The following MRPS6 variants were observed in gnomAD, a reference collection of about 807,000 sequenced individuals.
MRPS6 encodes small ribosomal subunit protein bS6m.
In MRPS6, 6 loss-of-function variants were observed where a neutral mutation model predicts 13.1. That is an observed-to-expected ratio of 0.46 (90% confidence interval 0.25 to 0.91). MRPS6 has a LOEUF of 0.91. MRPS6 is among the 40% of genes least tolerant of loss of function. The probability of loss-of-function intolerance (pLI) is 0.18; values close to 1 mark genes in which losing one functional copy is unlikely to be tolerated. For missense variants in MRPS6, 164 were observed against 155.6 expected (o/e 1.05, Z -0.29); for synonymous variants, 61 against 56.5 (o/e 1.08, Z -0.36).
At chr21:34,085,296 T>C (rs931945554) in intron 1 of MRPS6, among the ~76,000 whole-genome samples, 1 of 152,178 alleles carries the variant, frequency 6.6e-6, no homozygotes, top group Non-Finnish European at 1.5e-5. Flanking sequence ...GATTAGCCAT[T>C]GTTGACAGGA....
intron 1 of MRPS6, chr21:34,123,787 C>T (rs1365105325): frequency 6.6e-6 from 1 of 152,112 alleles, no homozygotes; most frequent in Non-Finnish European, 1.5e-5. Context: ...GTTCTCATAC[C>T]TCTACCATGG....
chr21:34,100,677 T>G lies in MRPS6; in HGVS notation c.46-24664T>G, dbSNP rs1335791815. ...ATTTTAAGAACTGAGTTGAGGGGGTTGTTATGCACTTCTGTAACTTGAGGC... is the reference window on the plus strand; with the variant it reads ...ATTTTAAGAACTGAGTTGAGGGGGTGGTTATGCACTTCTGTAACTTGAGGC... On this transcript the variant is annotated intron_variant, in intron 1 of 2. Coordinates refer to ENST00000399312, the MANE Select transcript of MRPS6 (RefSeq NM_032476.4). 10 of 1,000,272 alleles carry G rather than the reference T, an allele frequency of 1.0e-5. No homozygotes were observed. In the East Asian group the frequency reaches 7.9e-4, roughly 79 times the overall value. 62.0% of individuals were successfully genotyped at this position (1,000,272 alleles called of 1,614,324 possible). A position where few individuals can be genotyped will look rare whatever the true frequency, so the allele number is the denominator to read the frequency against.
intron 1 of MRPS6, chr21:34,100,942 G>C (rs1979209343): frequency 2.0e-6 from 2 of 1,000,052 alleles, no homozygotes; most frequent in African/African-American, 3.5e-5. Flanking sequence ...AAAGCTTACA[G>C]GGTTAACTTA....
In MRPS6 at chr21:34,142,760, G is replaced by A. The variant is rs1298123485; in HGVS notation, c.*160G>A. ...TTAGCCCTTGATCCCCTTTGCTTGC[G>A]AGAGGTGGGGAACTGCTCACTGACA... On this transcript the variant is annotated 3_prime_UTR_variant, in exon 3 of 3. Coordinates refer to ENST00000399312, the MANE Select transcript of MRPS6 (RefSeq NM_032476.4). The A allele has an allele frequency of 1.4e-5, 11 of 759,756 alleles. No homozygotes were observed. The highest frequency in any genetic ancestry group is 3.1e-5 in the East Asian group (1 of 32,626). 47.1% of individuals were successfully genotyped at this position (759,756 alleles called of 1,614,324 possible).
intron 1 of MRPS6, chr21:34,100,983 G>A: frequency 1.0e-6 from 1 of 999,584 alleles, no homozygotes; most frequent in Non-Finnish European, 1.2e-6. Context: ...TTTCATCAGA[G>A]GCATGATGAC....
At chr21:34,083,147 A>G (rs1467050785) in intron 1 of MRPS6, among the ~76,000 whole-genome samples, 1 of 152,158 alleles carries the variant, frequency 6.6e-6, no homozygotes, top group Non-Finnish European at 1.5e-5. Context: ...TAATTTTGTC[A>G]GGTGAAGAAA....
At chr21:34,099,098 T>C in intron 1 of MRPS6, 7 of 999,782 alleles carry the variant, frequency 7.0e-6, no homozygotes, top group Non-Finnish European at 7.2e-6. Context: ...CTTCCCATGA[T>C]CAGGAGGCTT....
chr21:34,139,217 A>G (rs1184059160), intron 2 of MRPS6, among the ~76,000 whole-genome samples: 3 of 149,504 alleles, frequency 2.0e-5, no homozygotes, highest in Admixed American at 6.6e-5. Flanking sequence ...GGATAGCATT[A>G]GGAGATATTC....
At chr21:34,102,565 C>A in intron 1 of MRPS6, 1 of 999,894 alleles carries the variant, frequency 1.0e-6, no homozygotes, top group Non-Finnish European at 1.2e-6. Context: ...ACTTTTTGGG[C>A]AGTACCATAC....
At chr21:34,137,161 A>G (rs975021404) in intron 2 of MRPS6, among the ~76,000 whole-genome samples, 1 of 152,196 alleles carries the variant, frequency 6.6e-6, no homozygotes, top group African/African-American at 2.4e-5. Flanking sequence ...TAGATCCATT[A>G]TGAACTTTCT....
At chr21:34,125,826 G>GT (rs1980285703) in intron 2 of MRPS6, among the ~76,000 whole-genome samples, 1 of 152,166 alleles carries the variant, frequency 6.6e-6, no homozygotes, top group African/African-American at 2.4e-5. Context: ...CAAACATAGT[G>GT]TATCAGTTTT....
rs183946047 is a variant in MRPS6 at position 34,090,093 on chromosome 21, A to T, written c.45+16348A>T. 1.7e-3 allele frequency among the ~76,000 whole-genome samples: 255 copies of T among 152,264 alleles called. 2 individuals carry two copies. Among genetic ancestry groups the T allele is most frequent in the Middle Eastern group, 6.8e-3 (2 of 294 alleles). ...GTTCTCAAAAAGTTTTGGATTTGGG[A>T]GGAGCATTTCAGATTTTGTATTTTT... On this transcript the variant is annotated intron_variant, in intron 1 of 2. Coordinates refer to ENST00000399312, the MANE Select transcript of MRPS6 (RefSeq NM_032476.4).
intron 1 of MRPS6, among the ~76,000 whole-genome samples, chr21:34,089,173 G>A (rs1017200578): frequency 2.0e-5 from 3 of 147,050 alleles, no homozygotes; most frequent in Admixed American, 6.9e-5. Flanking sequence ...GATTACAGGC[G>A]TGTGCTACCA....
chr21:34,098,414 G>A, intron 1 of MRPS6: 2 of 1,000,092 alleles, frequency 2.0e-6, no homozygotes, highest in Non-Finnish European at 2.4e-6. Context: ...TTTTTAGAGG[G>A]AAAATTTAAT....
Position 34,096,961 on chromosome 21 carries a change from A to G in MRPS6, c.45+23216A>G, listed in dbSNP as rs746162259. On this transcript the variant is annotated intron_variant, in intron 1 of 2. Coordinates refer to ENST00000399312, the MANE Select transcript of MRPS6 (RefSeq NM_032476.4). The surrounding 1 kb of genome is among the most constrained non-coding windows in gnomAD (Gnocchi z 5.9). ...GAGACCATCAACCACATCATTCCCA[A>G]CGGGAAATCTGAAGACAGCATTAAG... 61 of 1,614,010 alleles carry G rather than the reference A, an allele frequency of 3.8e-5. No individual in the cohort carries two copies. The highest frequency in any genetic ancestry group is 5.0e-5 in the Non-Finnish European group (59 of 1,179,996).
intron 1 of MRPS6, among the ~76,000 whole-genome samples, chr21:34,074,062 C>T (rs1989259222): frequency 6.8e-6 from 1 of 147,726 alleles, no homozygotes; most frequent in African/African-American, 2.4e-5. Flanking sequence ...GGCGCCGGCC[C>T]GCGGGAGTCC....
Position 34,141,179 on chromosome 21 carries a change from G to T in MRPS6, c.186-1229G>T, listed in dbSNP as rs140031546. The stretch of plus-strand genomic sequence containing the variant: ...TTTACTCTGGACCTGCTCCGTGTTC[G>T]TCTCTATTCGGAGTGCTAGGGTTAA... On this transcript the variant is annotated intron_variant, in intron 2 of 2. Coordinates refer to ENST00000399312, the MANE Select transcript of MRPS6 (RefSeq NM_032476.4). Among the ~76,000 whole-genome samples the T allele has an allele frequency of 6.7e-3, 1,022 of 152,276 alleles. 7 individuals carry two copies. Among genetic ancestry groups the T allele is most frequent in the Non-Finnish European group, 9.4e-3 (638 of 68,026 alleles).
intron 1 of MRPS6, among the ~76,000 whole-genome samples, chr21:34,080,384 A>G (rs776385798): frequency 1.3e-5 from 2 of 152,098 alleles, no homozygotes; most frequent in African/African-American, 2.4e-5. Context: ...TCCACATTTT[A>G]TATGCCCAGT....
chr21:34,125,195 A>T, intron 1 of MRPS6, 146 bp from the exon 2 acceptor site: 1 of 1,258,574 alleles, frequency 7.9e-7, no homozygotes, highest in Non-Finnish European at 1.1e-6. Flanking sequence ...ATTTTAAGTT[A>T]ACCAAAACCA....
Sources: allele counts gnomAD v4.1 joint callset (sites outside exome capture counted in the v4.1 genomes callset), GRCh38; gene constraint gnomAD v4.1.1; non-coding constraint Gnocchi (gnomAD v3.1); transcripts MANE v1.5; gene names NCBI Gene and HGNC (gene_info 2026-07-23, HGNC 2026-07-21).